The following PFDN1 variants were observed in gnomAD, a reference collection of about 807,000 sequenced individuals.
The protein encoded by PFDN1 is prefoldin subunit 1.
In PFDN1, 6 loss-of-function variants were observed where a neutral mutation model predicts 17.3. That is an observed-to-expected ratio of 0.35 (90% CI 0.19 to 0.69). The LOEUF (loss-of-function observed/expected upper bound fraction) is 0.69, where lower values mean the gene tolerates loss of function less well. Among genes scored for constraint, PFDN1 ranks in the 30% least tolerant of loss-of-function variants. The probability of loss-of-function intolerance (pLI) is 0.65; values close to 1 mark genes in which losing one functional copy is unlikely to be tolerated. For missense variants in PFDN1, 113 were observed against 146.2 expected (o/e 0.77, Z 1.17); for synonymous variants, 58 against 50.1 (o/e 1.16, Z -0.67).
intron 3 of PFDN1, among the ~76,000 whole-genome samples, chr5:140,253,833 G>T (rs570437299): frequency 1.1e-4 from 17 of 152,328 alleles, no homozygotes; most frequent in African/African-American, 4.1e-4. Flanking sequence ...GGCTCTCCAA[G>T]TGCAGTCCTC....
chr5:140,292,050 G>A (rs568470274), intron 2 of PFDN1, among the ~76,000 whole-genome samples: 22 of 152,078 alleles, frequency 1.4e-4, no homozygotes, highest in Non-Finnish European at 3.2e-4. Context: ...CTCCTGAAAT[G>A]GAAGCAGTAG....
intron 1 of PFDN1, 84 bp from the exon 2 acceptor site, chr5:140,300,666 T>C: frequency 1.1e-6 from 1 of 873,404 alleles, no homozygotes; most frequent in Non-Finnish European, 1.8e-6. Context: ...TAAAACAAAA[T>C]ATGCTAGCCA....
At chr5:140,253,859 G>T (rs1240622770) in intron 3 of PFDN1, among the ~76,000 whole-genome samples, 1 of 152,170 alleles carries the variant, frequency 6.6e-6, no homozygotes, top group African/African-American at 2.4e-5. Context: ...GCAGCATCGG[G>T]ATCACCTGCG....
chr5:140,302,700 A>T (rs983995700), intron 1 of PFDN1, among the ~76,000 whole-genome samples: 1 of 151,914 alleles, frequency 6.6e-6, no homozygotes, highest in African/African-American at 2.4e-5. Context: ...GTCCGAAGGG[A>T]CCCCCATTTG....
chr5:140,273,004 TA>T (rs892342975), intron 3 of PFDN1, among the ~76,000 whole-genome samples: 1 of 152,176 alleles, frequency 6.6e-6, no homozygotes, highest in Non-Finnish European at 1.5e-5. Flanking sequence ...TTGGCTCTGC[TA>T]TCCCCTGCCC....
intron 3 of PFDN1, among the ~76,000 whole-genome samples, chr5:140,271,617 G>A (rs184523994): frequency 2.4e-4 from 37 of 152,236 alleles, no homozygotes; most frequent in African/African-American, 8.4e-4. Context: ...AGCTCTCCTG[G>A]AGTGTGGGTG....
chr5:140,280,014 C>CAAAAAA (rs5871731), intron 3 of PFDN1, among the ~76,000 whole-genome samples: 1 of 99,112 alleles, frequency 1.0e-5, no homozygotes, highest in Non-Finnish European at 1.9e-5. Flanking sequence ...AAAAAAAAAA[C>CAAAAAA]AAAAAAAGAA....
intron 3 of PFDN1, among the ~76,000 whole-genome samples, chr5:140,248,122 G>C (rs906303813): frequency 1.5e-4 from 22 of 149,954 alleles, no homozygotes; most frequent in Non-Finnish European, 2.7e-4. Flanking sequence ...AGGCTGGAGT[G>C]CAATGGCGCC....
chr5:140,277,312 AG>A (rs530793851), intron 3 of PFDN1, among the ~76,000 whole-genome samples: 2 of 152,320 alleles, frequency 1.3e-5, no homozygotes, highest in South Asian at 2.1e-4. Flanking sequence ...TTAACATTTT[AG>A]AAAGGTCATT....
chr5:140,299,460 C>T (rs532048247), intron 2 of PFDN1, among the ~76,000 whole-genome samples: 2 of 152,002 alleles, frequency 1.3e-5, no homozygotes, highest in South Asian at 2.1e-4. Context: ...ATTAGCCGGG[C>T]ATGGTAGCAT....
At chr5:140,280,066 C>CCCTACGT (rs1765377162) in intron 3 of PFDN1, among the ~76,000 whole-genome samples, 1 of 146,256 alleles carries the variant, frequency 6.8e-6, no homozygotes, top group Admixed American at 6.7e-5. Flanking sequence ...AATCATTTAT[C>CCCTACGT]CCTACGTCCC....
rs1232564127 is a variant in PFDN1 at position 140,245,888 on chromosome 5, AGAG to A, written c.*83_*85del. On this transcript the variant is annotated 3_prime_UTR_variant, in exon 4 of 4. Coordinates refer to ENST00000261813, the MANE Select transcript of PFDN1 (RefSeq NM_002622.5). ...ATCCAAATAAAGCATCCATCGGGGC[AGAG>A]GAGAAGCTGTTTCCCTGCAGACACT... The A allele has an allele frequency of 2.6e-6, 2 of 758,210 alleles. No homozygotes were observed. The highest frequency in any genetic ancestry group is 4.7e-6 in the Non-Finnish European group (2 of 428,724). The allele number at this position is 758,210 out of a possible 1,614,324, so 47.0% of individuals were successfully genotyped here.
chr5:140,281,727 T>G, intron 2 of PFDN1, 194 bp from the exon 3 acceptor site: 1 of 516,148 alleles, frequency 1.9e-6, no homozygotes, highest in Non-Finnish European at 3.4e-6. Flanking sequence ...TAAAAGTAGA[T>G]TCTGCTTTCT....
chr5:140,283,797 A>T (rs990265508), intron 2 of PFDN1, among the ~76,000 whole-genome samples: 1 of 152,226 alleles, frequency 6.6e-6, no homozygotes, highest in African/African-American at 2.4e-5. Flanking sequence ...AACAGTACTA[A>T]GTCTCAGTAA....
intron 2 of PFDN1, among the ~76,000 whole-genome samples, chr5:140,296,193 T>C (rs1240281581): frequency 6.6e-6 from 1 of 152,202 alleles, no homozygotes; most frequent in Non-Finnish European, 1.5e-5. Flanking sequence ...TAAAATAGGA[T>C]AATAAACTCA....
intron 2 of PFDN1, among the ~76,000 whole-genome samples, chr5:140,294,346 C>G (rs967870770): frequency 6.6e-6 from 1 of 152,020 alleles, no homozygotes; most frequent in Non-Finnish European, 1.5e-5. Context: ...ATTTCCTAAT[C>G]TCTTAGCAAT....
At chr5:140,281,811 G>A in intron 2 of PFDN1, 1 of 279,854 alleles carries the variant, frequency 3.6e-6, no homozygotes, top group South Asian at 3.9e-5. Context: ...GCTGAGGTGG[G>A]AGGATTGTTT....
At chr5:140,301,982 AACAAAAGCAAGACACAAAC>A (rs994156398) in intron 1 of PFDN1, among the ~76,000 whole-genome samples, 23 of 152,234 alleles carry the variant, frequency 1.5e-4, no homozygotes, top group Admixed American at 9.8e-4. Flanking sequence ...AGACAAGAAG[AACAAAAGCAAGACACAAAC>A]ACATAATATC....
chr5:140,262,188 C>T lies in PFDN1; in HGVS notation c.286-16131G>A, dbSNP rs1362312616. ...CAGATGCCAGGCCACTTAGAAGCCA[C>T]TTATCTCTTTACTCAGAGCTGGTAT... On this transcript the variant is annotated intron_variant, in intron 3 of 3. Coordinates refer to ENST00000261813, the MANE Select transcript of PFDN1 (RefSeq NM_002622.5). Among the ~76,000 whole-genome samples the T allele has an allele frequency of 2.0e-5, 3 of 152,272 alleles. No individual in the cohort carries two copies. The East Asian group carries it at 5.8e-4, about 29-fold the overall frequency.
Sources: gnomAD v4.1 joint callset for allele counts (sites outside exome capture counted in the v4.1 genomes callset) on GRCh38, gnomAD v4.1.1 for gene constraint, MANE v1.5 for transcripts, NCBI Gene and HGNC (gene_info 2026-07-23, HGNC 2026-07-21) for gene names.